DLGAP2: variants seen among roughly 807,000 people sequenced by gnomAD.
The protein encoded by DLGAP2 is DLG associated protein 2, also known as disks large-associated protein 2.
A neutral mutation model predicts 100.3 loss-of-function variants in DLGAP2; 26 were observed. The observed-to-expected ratio is 0.26, with a 90% confidence interval of 0.19 to 0.36. DLGAP2 has a LOEUF of 0.36. DLGAP2 is among the 10% of genes least tolerant of loss of function. DLGAP2 has a pLI of 1.00. For synonymous variants in DLGAP2, 886 were observed against 630.1 expected, an observed-to-expected ratio of 1.41 and a Z score of -6.08; for missense variants, 1,858 against 1,453.2, an observed-to-expected ratio of 1.28 and a Z score of -4.53.
chr8:1,341,638 G>A (rs959099889), intron 3 of DLGAP2, among the ~76,000 whole-genome samples: 1 of 152,186 alleles, frequency 6.6e-6, no homozygotes, highest in African/African-American at 2.4e-5. Context: ...AGGTAAATAT[G>A]AACTTGTGGG....
At chr8:1,465,227 CA>C (rs1563165537) in intron 3 of DLGAP2, among the ~76,000 whole-genome samples, 1 of 152,252 alleles carries the variant, frequency 6.6e-6, no homozygotes, top group East Asian at 1.9e-4. Flanking sequence ...GCAAGCCCCC[CA>C]CACGTGGGTT....
intron 1 of DLGAP2, among the ~76,000 whole-genome samples, chr8:902,448 G>A (rs984483863): frequency 8.0e-5 from 12 of 149,456 alleles, no homozygotes; most frequent in African/African-American, 2.7e-4. Flanking sequence ...GGGTCCAGGC[G>A]TGTGCAAGGT....
intron 2 of DLGAP2, among the ~76,000 whole-genome samples, chr8:1,211,755 A>G (rs1363813011): frequency 6.6e-6 from 1 of 152,174 alleles, no homozygotes. Context: ...CATGCCTGTA[A>G]TCCCAGCTAC....
rs1182405777 is a variant in DLGAP2 at position 1,494,755 on chromosome 8, A to G, written c.107-6611A>G. Among the ~76,000 whole-genome samples the G allele has an allele frequency of 2.0e-5, 3 of 152,022 alleles. No individual in the cohort carries two copies. The East Asian group carries it at 5.8e-4, about 29-fold the overall frequency. ...AAAAAAAGGAAAGAAAAGAAAAGAA[A>G]CGAGGTGCCACTCAATGCAGCCTCC... On this transcript the variant is annotated intron_variant, in intron 3 of 14. Transcript: ENST00000637795.
chr8:1,015,020 G>A (rs865931672), intron 2 of DLGAP2, among the ~76,000 whole-genome samples: 11 of 12,722 alleles, frequency 8.6e-4, no homozygotes, highest in African/African-American at 2.3e-3. Context: ...CACTGTGTGT[G>A]TGACCAGGAC....
chr8:1,595,046 T>C (rs1209426915), intron 6 of DLGAP2, among the ~76,000 whole-genome samples: 1 of 150,958 alleles, frequency 6.6e-6, no homozygotes, highest in Non-Finnish European at 1.5e-5. Context: ...TTTTTTTTTC[T>C]TTTTTTCTTT....
chr8:910,608 C>T (rs1260679158), intron 2 of DLGAP2: 1 of 152,178 alleles, frequency 6.6e-6, no homozygotes, highest in African/African-American at 2.4e-5. Flanking sequence ...AGCATTCTTC[C>T]CTTTTCTTGC....
In DLGAP2 at chr8:1,304,253, A is replaced by T. The variant is rs556609726; in HGVS notation, c.106+45370A>T. Among the ~76,000 whole-genome samples, 123 of 152,326 alleles carry T rather than the reference A, an allele frequency of 8.1e-4. 1 individual carries two copies. Among genetic ancestry groups the T allele is most frequent in the African/African-American group, 2.8e-3 (118 of 41,582 alleles). On this transcript the variant is annotated intron_variant, in intron 3 of 14. Coordinates refer to ENST00000637795, the MANE Select transcript of DLGAP2 (RefSeq NM_001346810.2). ...CCTGTAGGAGCCCTGAGCATGGGCT[A>T]TGGAGACACAGGACACCGGCCACCG...
At chr8:1,513,865 A>AG (rs1554488442) in intron 4 of DLGAP2, among the ~76,000 whole-genome samples, 26 of 86,898 alleles carry the variant, frequency 3.0e-4, no homozygotes, top group African/African-American at 9.5e-4. Context: ...TGGCGGTCGA[A>AG]CCTCAGACCC....
intron 4 of DLGAP2, among the ~76,000 whole-genome samples, chr8:1,516,505 G>A (rs915606418): frequency 1.3e-5 from 2 of 151,814 alleles, no homozygotes; most frequent in Non-Finnish European, 2.9e-5. Flanking sequence ...ATGAGTGAGT[G>A]AATGAGTTCA....
At chr8:785,499 C>T (rs56198648) in intron 1 of DLGAP2, among the ~76,000 whole-genome samples, 12 of 145,562 alleles carry the variant, frequency 8.2e-5, no homozygotes, top group Non-Finnish European at 1.2e-4. Context: ...GACCAGCTTC[C>T]CTCCTCCCCT....
rs371932191 is a variant in DLGAP2 at position 1,455,039 on chromosome 8, G to C, written c.107-46327G>C. ...GCTACATCTTGGGGGTCTGGGGAGG[G>C]GGGGATACCGGATGCAAGGAAGGTT... On this transcript the variant is annotated intron_variant, in intron 3 of 14. Coordinates refer to ENST00000637795, the MANE Select transcript of DLGAP2 (RefSeq NM_001346810.2). Among the ~76,000 whole-genome samples the C allele has an allele frequency of 2.6e-5, 4 of 152,200 alleles. 1 individual carries two copies. Among genetic ancestry groups the C allele is most frequent in the Non-Finnish European group, 5.9e-5 (4 of 68,036 alleles).
chr8:1,654,954 G>A (rs966421460), intron 8 of DLGAP2, among the ~76,000 whole-genome samples: 4 of 152,142 alleles, frequency 2.6e-5, no homozygotes, highest in African/African-American at 4.8e-5. Context: ...ACAAGTTCTC[G>A]CCGTGTGATG....
At chr8:804,406 C>T (rs1033969189) in intron 1 of DLGAP2, among the ~76,000 whole-genome samples, 4 of 152,118 alleles carry the variant, frequency 2.6e-5, no homozygotes, top group Non-Finnish European at 4.4e-5. Context: ...GCCTGTGTGG[C>T]GGTGGTGGAA....
rs866490129 is a variant in DLGAP2 at position 1,626,747 on chromosome 8, T to C, written c.1450T>C (p.Tyr484His). The change falls in exon 7 of 15, where the codon TAC becomes CAC. Residue 484 changes from tyrosine to histidine, a missense_variant. By Grantham distance (83) the Tyr-to-His change is moderately conservative. Transcript: ENST00000637795. ...RPLGEHQTQT[Y>H]LQAASDVPVG... is the part of the protein sequence containing the mutation. ...CTTTCTTCTTTCCTGTAGCCAGACC[T>C]ACCTGCAAGCTGCAAGCGATGTGCC... The C allele has an allele frequency of 6.2e-6, 10 of 1,601,286 alleles. No individual in the cohort carries two copies. The Middle Eastern group carries it at 1.3e-3, about 212-fold the overall frequency.
intron 3 of DLGAP2, among the ~76,000 whole-genome samples, chr8:1,361,706 C>G (rs879467465): frequency 1.3e-5 from 2 of 152,220 alleles, no homozygotes; most frequent in Non-Finnish European, 2.9e-5. Flanking sequence ...TCGCGCAAGG[C>G]CCTACACGGT....
intron 6 of DLGAP2, among the ~76,000 whole-genome samples, chr8:1,617,796 A>G (rs936068898): frequency 3.3e-5 from 5 of 152,236 alleles, no homozygotes; most frequent in African/African-American, 1.2e-4. Flanking sequence ...ATTACAGCCA[A>G]TACGAGCTAA....
chr8:1,536,595 T>G (rs757836229), intron 4 of DLGAP2, among the ~76,000 whole-genome samples: 8 of 152,148 alleles, frequency 5.3e-5, no homozygotes, highest in Non-Finnish European at 1.0e-4. Flanking sequence ...ATAAATTCCA[T>G]GGGGCCAGCC....
At chr8:1,435,500 CCT>C (rs1225782382) in intron 3 of DLGAP2, among the ~76,000 whole-genome samples, 3 of 152,138 alleles carry the variant, frequency 2.0e-5, no homozygotes, top group Admixed American at 6.5e-5. Flanking sequence ...AGAGAAACCC[CCT>C]GTGCAGCCAC....
Sources: gnomAD v4.1 joint callset for allele counts (sites outside exome capture counted in the v4.1 genomes callset) on GRCh38, gnomAD v4.1.1 for gene constraint, MANE v1.5 for transcripts, NCBI Gene and HGNC (gene_info 2026-07-23, HGNC 2026-07-21) for gene names.